Variants in BCKDHB observed in about 807,000 individuals in gnomAD.
BCKDHB encodes the protein branched chain keto acid dehydrogenase E1 subunit beta.
BCKDHB carries 41 observed loss-of-function variants against 48.5 expected under a neutral mutation model. The observed-to-expected ratio is 0.85, with a 90% CI of 0.66 to 1.10. The LOEUF is 1.10. BCKDHB is among the 50% of genes least tolerant of loss of function. The probability of loss-of-function intolerance (pLI) is 0.00; values close to 1 mark genes in which losing one functional copy is unlikely to be tolerated. For missense variants in BCKDHB, 496 were observed against 494.2 expected (o/e 1.00, Z -0.03); for synonymous variants, 201 against 174.8 (o/e 1.15, Z -1.18).
chr6:80,314,472 G>A (rs1041845165), intron 9 of BCKDHB, among the ~76,000 whole-genome samples: 5 of 152,004 alleles, frequency 3.3e-5, no homozygotes, highest in African/African-American at 9.7e-5. Flanking sequence ...CACCATGCCC[G>A]CTGTCTTAGA....
chr6:80,298,293 G>T (rs1385787199), intron 9 of BCKDHB, among the ~76,000 whole-genome samples: 1 of 151,932 alleles, frequency 6.6e-6, no homozygotes, highest in East Asian at 1.9e-4. Flanking sequence ...TAGTATTTGT[G>T]GTAGAGACAG....
chr6:80,295,355 G>A (rs1767168669), intron 9 of BCKDHB, among the ~76,000 whole-genome samples: 1 of 152,166 alleles, frequency 6.6e-6, no homozygotes, highest in Admixed American at 6.5e-5. Context: ...GAGGAGCAAA[G>A]TCACATCTCG....
chr6:80,107,840 T>C (rs1305391712), intron 1 of BCKDHB, among the ~76,000 whole-genome samples: 1 of 152,120 alleles, frequency 6.6e-6, no homozygotes, highest in Non-Finnish European at 1.5e-5. Flanking sequence ...GCAAGTTTCA[T>C]GTAATGTCTC....
intron 9 of BCKDHB, among the ~76,000 whole-genome samples, chr6:80,312,733 T>C (rs939115291): frequency 6.6e-6 from 1 of 152,228 alleles, no homozygotes; most frequent in African/African-American, 2.4e-5. Context: ...GAATCACATA[T>C]ATTGATTTGC....
At chr6:80,392,467 C>T in the BCKDHB span, among the ~76,000 whole-genome samples, 1 of 151,684 alleles carries the variant, frequency 6.6e-6, no homozygotes. Flanking sequence ...TTATTTTCAT[C>T]CCATTGTACC....
the BCKDHB span, among the ~76,000 whole-genome samples, chr6:80,394,423 T>C: frequency 3.3e-5 from 5 of 152,170 alleles, no homozygotes; most frequent in African/African-American, 1.2e-4. Flanking sequence ...TCACCATTTT[T>C]GACAATCTGA....
At chr6:80,178,605 G>A (rs540356808) in intron 6 of BCKDHB, among the ~76,000 whole-genome samples, 1 of 152,296 alleles carries the variant, frequency 6.6e-6, no homozygotes, top group Non-Finnish European at 1.5e-5. Flanking sequence ...GAACACTTAT[G>A]TGCTAGACGC....
At chr6:80,296,096 C>G (rs1415950615) in intron 9 of BCKDHB, among the ~76,000 whole-genome samples, 2 of 152,144 alleles carry the variant, frequency 1.3e-5, no homozygotes, top group African/African-American at 4.8e-5. Flanking sequence ...CAGTTAACTC[C>G]TGTTCTGCTT....
chr6:80,203,735 T>C (rs1582348547), intron 8 of BCKDHB, among the ~76,000 whole-genome samples: 1 of 152,256 alleles, frequency 6.6e-6, no homozygotes, highest in East Asian at 1.9e-4. Context: ...ACAGTTTCTA[T>C]CTAAGTAGCC....
chr6:80,444,093 C>A, the BCKDHB span, among the ~76,000 whole-genome samples: 1 of 151,896 alleles, frequency 6.6e-6, no homozygotes, highest in African/African-American at 2.4e-5. Flanking sequence ...TTAAAAGCTA[C>A]AATTTTTAGT....
chr6:80,116,184 C>T (rs9448886), intron 1 of BCKDHB, among the ~76,000 whole-genome samples: 55,843 of 152,038 alleles, frequency 0.37, 12,265 homozygotes, highest in Admixed American at 0.56. Context: ...GCTTCTCTTT[C>T]CCTTTAACAC....
chr6:80,154,460 C>G (rs570548903), intron 3 of BCKDHB, among the ~76,000 whole-genome samples: 2 of 152,102 alleles, frequency 1.3e-5, no homozygotes, highest in East Asian at 3.9e-4. Context: ...AGTTTGCTCC[C>G]CCTCCTAGGA....
At chr6:80,421,831 AAG>A in the BCKDHB span, among the ~76,000 whole-genome samples, 17 of 152,342 alleles carry the variant, frequency 1.1e-4, no homozygotes, top group East Asian at 5.8e-4. Context: ...TGCATTCACA[AAG>A]AGAATACCTG....
chr6:80,332,415 T>G (rs992564384), intron 9 of BCKDHB, among the ~76,000 whole-genome samples: 2 of 152,212 alleles, frequency 1.3e-5, no homozygotes, highest in African/African-American at 4.8e-5. Context: ...TAAATACTCC[T>G]GAAGTTTGTT....
At chr6:80,374,205 G>A in the BCKDHB span, 15 of 729,726 alleles carry the variant, frequency 2.1e-5, no homozygotes, top group Non-Finnish European at 3.5e-5. Flanking sequence ...CATCTTAGAT[G>A]CTTTATTCAT....
chr6:80,353,874 A>C, the BCKDHB span, among the ~76,000 whole-genome samples: 49 of 143,462 alleles, frequency 3.4e-4, no homozygotes, highest in East Asian at 0.01. Context: ...AAAAAGTAAA[A>C]TAATAGTAGC....
chr6:80,332,213 A>G (rs1270346993), intron 9 of BCKDHB, among the ~76,000 whole-genome samples: 1 of 152,108 alleles, frequency 6.6e-6, no homozygotes, highest in African/African-American at 2.4e-5. Flanking sequence ...TAAACACCCC[A>G]GTGCCAGCCG....
chr6:80,195,509 T>G (rs1160915084), intron 6 of BCKDHB, among the ~76,000 whole-genome samples: 3 of 152,194 alleles, frequency 2.0e-5, no homozygotes, highest in Non-Finnish European at 4.4e-5. Context: ...AATCCAATAT[T>G]AGTTTATAGT....
chr6:80,255,989 A>G (rs1241633439), intron 8 of BCKDHB, among the ~76,000 whole-genome samples: 1 of 152,116 alleles, frequency 6.6e-6, no homozygotes, highest in Non-Finnish European at 1.5e-5. Context: ...GAGGCTATTT[A>G]CCTTTGGTTA....
Sources: gnomAD v4.1 joint callset for allele counts (sites outside exome capture counted in the v4.1 genomes callset) on GRCh38, gnomAD v4.1.1 for gene constraint, MANE v1.5 for transcripts, NCBI Gene and HGNC (gene_info 2026-07-23, HGNC 2026-07-21) for gene names.